The following COL19A1 variants were observed in gnomAD, a reference collection of about 807,000 sequenced individuals.
The protein encoded by COL19A1 is collagen type XIX alpha 1 chain.
A neutral mutation model predicts 190.2 loss-of-function variants in COL19A1; 159 were observed. The observed-to-expected ratio is 0.84, with a 90% CI of 0.73 to 0.95. The LOEUF (loss-of-function observed/expected upper bound fraction) is 0.95, where lower values mean the gene tolerates loss of function less well. Ranked by LOEUF, COL19A1 falls within the 40% of genes least tolerant of loss-of-function variation. The probability of loss-of-function intolerance (pLI) is 0.00; values close to 1 mark genes in which losing one functional copy is unlikely to be tolerated. For synonymous variants in COL19A1, 509 were observed against 458.9 expected (o/e 1.11, Z -1.39); for missense variants, 1,418 against 1,431.9 (o/e 0.99, Z 0.16).
chr6:70,168,986 TC>T (rs1296472789), intron 40 of COL19A1, among the ~76,000 whole-genome samples: 3 of 152,130 alleles, frequency 2.0e-5, no homozygotes, highest in Non-Finnish European at 4.4e-5. Flanking sequence ...ATAGCCCTCT[TC>T]TGATAATTGA....
At chr6:70,059,413 C>G (rs1780691961) in intron 14 of COL19A1, among the ~76,000 whole-genome samples, 1 of 152,140 alleles carries the variant, frequency 6.6e-6, no homozygotes, top group Admixed American at 6.6e-5. Flanking sequence ...TACAAAACAT[C>G]TGCTATATTT....
At chr6:70,000,080 C>T (rs1188826955) in intron 11 of COL19A1, among the ~76,000 whole-genome samples, 1 of 152,066 alleles carries the variant, frequency 6.6e-6, no homozygotes, top group Non-Finnish European at 1.5e-5. Context: ...CCATTGTTCT[C>T]ATTGCTCAAC....
At chr6:70,150,241 A>C (rs1033797834) in intron 30 of COL19A1, among the ~76,000 whole-genome samples, 196 bp downstream of exon 30, 3 of 152,138 alleles carry the variant, frequency 2.0e-5, no homozygotes, top group Non-Finnish European at 4.4e-5. Context: ...ATGAATACTT[A>C]TTTCCTAAGG....
intron 9 of COL19A1, among the ~76,000 whole-genome samples, chr6:69,946,428 G>A (rs368663812): frequency 2.0e-5 from 3 of 151,974 alleles, no homozygotes; most frequent in African/African-American, 4.8e-5. Flanking sequence ...ATCTGGATTA[G>A]CATATTAGAC....
At chr6:70,090,768 A>C (rs962984476) in intron 15 of COL19A1, among the ~76,000 whole-genome samples, 3 of 152,146 alleles carry the variant, frequency 2.0e-5, no homozygotes, top group Non-Finnish European at 4.4e-5. Context: ...ACGGCTTCAC[A>C]TCACAATCAC....
intron 11 of COL19A1, among the ~76,000 whole-genome samples, chr6:69,980,143 A>G (rs914051852): frequency 6.6e-6 from 1 of 152,050 alleles, no homozygotes; most frequent in African/African-American, 2.4e-5. Flanking sequence ...TAATTTAGAA[A>G]TTTAGGGTGA....
At chr6:70,007,966 T>C (rs1368233769) in intron 11 of COL19A1, among the ~76,000 whole-genome samples, 4 of 151,950 alleles carry the variant, frequency 2.6e-5, no homozygotes, top group Non-Finnish European at 5.9e-5. Flanking sequence ...AATATGATTC[T>C]CAACACCCTG....
intron 20 of COL19A1, 114 bp from the exon 21 acceptor site, chr6:70,141,779 C>T: frequency 1.2e-5 from 8 of 683,278 alleles, no homozygotes; most frequent in South Asian, 4.0e-5. Flanking sequence ...TTGTGTCTTC[C>T]ATAATTTCCC....
At chr6:69,903,598 T>C (rs963557036) in intron 4 of COL19A1, among the ~76,000 whole-genome samples, 9 of 152,152 alleles carry the variant, frequency 5.9e-5, no homozygotes, top group African/African-American at 2.2e-4. Flanking sequence ...GGGGTTGTTA[T>C]CCATAAATGC....
chr6:70,191,160 A>G (rs1178973601), intron 48 of COL19A1, among the ~76,000 whole-genome samples: 1 of 152,204 alleles, frequency 6.6e-6, no homozygotes, highest in African/African-American at 2.4e-5. Flanking sequence ...AGATACTTCA[A>G]TAATTCATCC....
At chr6:70,035,534 C>T (rs1013422136) in intron 13 of COL19A1, among the ~76,000 whole-genome samples, 2 of 152,194 alleles carry the variant, frequency 1.3e-5, no homozygotes, top group African/African-American at 4.8e-5. Context: ...TTCATACTAA[C>T]TTTGTCAGAC....
At chr6:70,112,004 T>C (rs1404807325) in intron 16 of COL19A1, among the ~76,000 whole-genome samples, 1 of 152,178 alleles carries the variant, frequency 6.6e-6, no homozygotes, top group Non-Finnish European at 1.5e-5. Context: ...TTGCATTTTC[T>C]TAACTCAGGA....
intron 4 of COL19A1, among the ~76,000 whole-genome samples, chr6:69,921,362 ATATATCAT>A (rs1210963877): frequency 9.6e-6 from 1 of 104,552 alleles, no homozygotes; most frequent in Non-Finnish European, 1.7e-5. Flanking sequence ...TCATAATCAT[ATATATCAT>A]ATATATCATA....
chr6:70,101,392 A>G (rs941348422), intron 15 of COL19A1, among the ~76,000 whole-genome samples: 12 of 152,174 alleles, frequency 7.9e-5, no homozygotes, highest in African/African-American at 2.4e-4. Context: ...TTTAAATGTT[A>G]TTAGATTCAC....
intron 2 of COL19A1, chr6:69,880,038 AT>A (rs1768420116): frequency 3.8e-6 from 1 of 260,616 alleles, no homozygotes; most frequent in Non-Finnish European, 7.2e-6. Flanking sequence ...TCTAATCTTA[AT>A]TAGGAAAAAG....
intron 9 of COL19A1, among the ~76,000 whole-genome samples, chr6:69,946,391 GAA>G (rs1773803243): frequency 6.6e-6 from 1 of 151,948 alleles, no homozygotes; most frequent in East Asian, 1.9e-4. Flanking sequence ...AGATTGGAAA[GAA>G]AATGAGGGGA....
chr6:70,161,087 G>A (rs1456232520), intron 34 of COL19A1, among the ~76,000 whole-genome samples: 1 of 152,060 alleles, frequency 6.6e-6, no homozygotes, highest in Non-Finnish European at 1.5e-5. Context: ...GGTATAATTA[G>A]TGCTATTCTA....
intron 2 of COL19A1, chr6:69,889,932 G>C (rs1769228630): frequency 6.6e-6 from 1 of 152,176 alleles, no homozygotes; most frequent in Non-Finnish European, 1.5e-5. Flanking sequence ...TCTCGCTGCT[G>C]CTCACTCTTT....
intron 4 of COL19A1, among the ~76,000 whole-genome samples, chr6:69,907,107 A>ATTTTTTTTTT (rs56927758): frequency 1.5e-5 from 2 of 129,400 alleles, no homozygotes; most frequent in Non-Finnish European, 3.2e-5. Flanking sequence ...TATTATTATT[A>ATTTTTTTTTT]TTTTTTTTTT....
Sources: gnomAD v4.1 joint callset for allele counts (sites outside exome capture counted in the v4.1 genomes callset) on GRCh38, gnomAD v4.1.1 for gene constraint, MANE v1.5 for transcripts, NCBI Gene and HGNC (gene_info 2026-07-23, HGNC 2026-07-21) for gene names.